The following L3MBTL4 variants were observed in gnomAD, a reference collection of about 807,000 sequenced individuals.
L3MBTL4 encodes lethal(3)malignant brain tumor-like protein 4.
In L3MBTL4, 70 loss-of-function variants were observed where a neutral mutation model predicts 84.5. That is an observed-to-expected ratio of 0.83 (90% CI 0.68 to 1.01). L3MBTL4 has a LOEUF of 1.01. Ranked by LOEUF, L3MBTL4 falls within the 50% of genes least tolerant of loss-of-function variation. The pLI is 0.00. For synonymous variants in L3MBTL4, 274 were observed against 259.8 expected, an observed-to-expected ratio of 1.05 and a Z score of -0.52; for missense variants, 715 against 754.8, an observed-to-expected ratio of 0.95 and a Z score of 0.62.
At chr18:6,196,733 T>A (rs2045414581) in intron 12 of L3MBTL4, among the ~76,000 whole-genome samples, 1 of 152,180 alleles carries the variant, frequency 6.6e-6, no homozygotes, top group South Asian at 2.1e-4. Flanking sequence ...ATTCTGAACA[T>A]CTTACTATCT....
intron 12 of L3MBTL4, among the ~76,000 whole-genome samples, chr18:6,203,394 T>C (rs1292739829): frequency 1.3e-5 from 2 of 152,172 alleles, no homozygotes; most frequent in Non-Finnish European, 1.5e-5. Context: ...TTACCTGAAG[T>C]TTATTCCAAA....
intron 10 of L3MBTL4, among the ~76,000 whole-genome samples, chr18:6,216,710 A>G: frequency 6.6e-6 from 1 of 152,156 alleles, no homozygotes; most frequent in Non-Finnish European, 1.5e-5. Flanking sequence ...AAAAATATGT[A>G]TTCTTCTCAC....
intron 1 of L3MBTL4, among the ~76,000 whole-genome samples, chr18:6,314,036 T>TGATA (rs5822890): frequency 0.023 from 3,460 of 149,764 alleles, 50 homozygotes; most frequent in Middle Eastern, 0.031. Flanking sequence ...GGATGGCAGA[T>TGATA]GATAGATAGA....
At chr18:6,348,471 A>G (rs56367012) in intron 1 of L3MBTL4, among the ~76,000 whole-genome samples, 29,777 of 152,072 alleles carry the variant, frequency 0.2, 3,678 homozygotes, top group African/African-American at 0.35. Context: ...TTAAATAAGG[A>G]AATACAATAG....
intron 14 of L3MBTL4, among the ~76,000 whole-genome samples, chr18:6,108,179 T>C (rs1200879825): frequency 6.6e-6 from 1 of 152,148 alleles, no homozygotes; most frequent in African/African-American, 2.4e-5. Context: ...TTGTGGATAG[T>C]TAATGACAGC....
intron 14 of L3MBTL4, among the ~76,000 whole-genome samples, chr18:6,120,914 G>A (rs191617337): frequency 3.1e-4 from 47 of 152,210 alleles, no homozygotes; most frequent in African/African-American, 1.0e-3. Context: ...TATAAATAGC[G>A]CTGCTACAAA....
chr18:6,353,280 CAA>C (rs5822892), intron 1 of L3MBTL4, among the ~76,000 whole-genome samples: 304 of 123,750 alleles, frequency 2.5e-3, no homozygotes, highest in Middle Eastern at 8.8e-3. Context: ...ATGATGAAAG[CAA>C]AAAAAAAAAA....
intron 16 of L3MBTL4, among the ~76,000 whole-genome samples, chr18:6,070,454 A>ATT (rs2057547485): frequency 6.6e-6 from 1 of 152,014 alleles, no homozygotes; most frequent in Non-Finnish European, 1.5e-5. Flanking sequence ...AACCTGTAAA[A>ATT]ATATTCTTCA....
At chr18:6,021,405 T>A (rs1219876586) in intron 16 of L3MBTL4, among the ~76,000 whole-genome samples, 1 of 152,140 alleles carries the variant, frequency 6.6e-6, no homozygotes, top group African/African-American at 2.4e-5. Context: ...GCATAAAGCT[T>A]GGTGAAGAAA....
chr18:6,342,018 C>T (rs1264146888), intron 1 of L3MBTL4, among the ~76,000 whole-genome samples: 1 of 152,074 alleles, frequency 6.6e-6, no homozygotes, highest in Non-Finnish European at 1.5e-5. Context: ...AAGCAGCCAA[C>T]TAAAAATACA....
chr18:6,000,221 G>T (rs1284290948), intron 16 of L3MBTL4, among the ~76,000 whole-genome samples: 2 of 152,302 alleles, frequency 1.3e-5, no homozygotes, highest in Admixed American at 1.3e-4. Context: ...TATTGCCACT[G>T]AGGAGATGAA....
At chr18:6,240,336 A>C (rs1419813445) in intron 8 of L3MBTL4, among the ~76,000 whole-genome samples, 1 of 151,676 alleles carries the variant, frequency 6.6e-6, no homozygotes, top group Non-Finnish European at 1.5e-5. Flanking sequence ...TCTGAAAATA[A>C]GTGGCTTTTT....
chr18:6,277,333 G>C (rs1421947080), intron 4 of L3MBTL4, among the ~76,000 whole-genome samples: 1 of 152,060 alleles, frequency 6.6e-6, no homozygotes, highest in East Asian at 1.9e-4. Flanking sequence ...TAATCTATTT[G>C]AAATTTATTT....
intron 4 of L3MBTL4, among the ~76,000 whole-genome samples, chr18:6,299,808 TACA>T: frequency 6.6e-6 from 1 of 152,094 alleles, no homozygotes; most frequent in African/African-American, 2.4e-5. Context: ...TAGCTGGGAC[TACA>T]GGTGCACACC....
rs536667997 is a variant in L3MBTL4, at chr18:5,986,284, T to A, written c.1445-16722A>T. Among the ~76,000 whole-genome samples, 76 of 152,300 alleles carry A rather than the reference T, an allele frequency of 5.0e-4. 1 individual carries two copies. Among genetic ancestry groups the A allele is most frequent in the African/African-American group, 1.7e-3 (71 of 41,558 alleles). On this transcript the variant is annotated intron_variant, in intron 16 of 18. Coordinates refer to ENST00000317931, the MANE Select transcript of L3MBTL4 (RefSeq NM_001330559.2). ...AGTCTTGTGAGATATTATACCATGT[T>A]CCCATGTTCAAATGAGGAAACTGAT... is the stretch of plus-strand genomic sequence containing the variant.
intron 1 of L3MBTL4, among the ~76,000 whole-genome samples, chr18:6,352,987 A>G (rs1175971273): frequency 6.6e-6 from 1 of 152,256 alleles, no homozygotes; most frequent in Non-Finnish European, 1.5e-5. Flanking sequence ...AAAATAAACT[A>G]AATGAACAAA....
rs1177843698 is a variant in L3MBTL4 at position 5,969,493 on chromosome 18, G to A, written c.1514C>T (p.Pro505Leu). The change falls in exon 17 of 19, where the codon CCT becomes CTT. Residue 505 changes from proline to leucine, a missense_variant. Coordinates refer to ENST00000317931, the MANE Select transcript of L3MBTL4 (RefSeq NM_001330559.2). ...SVSMSTVSAH[P>L]FRDLPLGREQ... The stretch of plus-strand genomic sequence containing the variant: ...CCTGCCGAGGGGAAGGTCCCGAAAA[G>A]GGTGGGCTGACACCGTGGACATGGA... The A allele has an allele frequency of 6.2e-7, 1 of 1,614,048 alleles. No homozygotes were observed. Among genetic ancestry groups the A allele is most frequent in the Admixed American group, 1.7e-5 (1 of 60,006 alleles).
At chr18:6,117,496 T>C (rs147837751) in intron 14 of L3MBTL4, among the ~76,000 whole-genome samples, 127 of 152,320 alleles carry the variant, frequency 8.3e-4, no homozygotes, top group African/African-American at 2.9e-3. Flanking sequence ...GATAATTCCC[T>C]CAGGCTGCCA....
intron 16 of L3MBTL4, among the ~76,000 whole-genome samples, chr18:6,011,463 G>A (rs188661307): frequency 1.1e-4 from 16 of 152,314 alleles, no homozygotes; most frequent in African/African-American, 2.6e-4. Flanking sequence ...GGAGGGGACA[G>A]GTGACAAGCT....
Sources: allele counts gnomAD v4.1 joint callset (sites outside exome capture counted in the v4.1 genomes callset), GRCh38; gene constraint gnomAD v4.1.1; transcripts MANE v1.5; gene names NCBI Gene and HGNC (gene_info 2026-07-23, HGNC 2026-07-21).